The following ADAMTSL3 variants were observed in gnomAD, a reference collection of about 807,000 sequenced individuals.
The protein encoded by ADAMTSL3 is ADAMTS like 3, also known as ADAMTS-like protein 3.
In ADAMTSL3, 128 loss-of-function variants were observed where a neutral mutation model predicts 201.7. The ratio of observed to expected loss-of-function variants is 0.63; its 90% CI spans 0.55 to 0.73. ADAMTSL3 has a LOEUF of 0.73. ADAMTSL3 is among the 30% of genes least tolerant of loss of function. The pLI is 0.00. For synonymous variants in ADAMTSL3, 738 were observed against 748.4 expected, an observed-to-expected ratio of 0.99 and a Z score of 0.23; for missense variants, 1,990 against 2,119.6, an observed-to-expected ratio of 0.94 and a Z score of 1.20.
At chr15:83,655,895 T>G in intron 2 of ADAMTSL3, 65 bp downstream of exon 2, 1 of 1,489,446 alleles carries the variant, frequency 6.7e-7, no homozygotes, top group Non-Finnish European at 9.3e-7. Flanking sequence ...GAGGCATTAT[T>G]GTATACCACC....
chr15:83,867,907 T>C (rs892461861), intron 8 of ADAMTSL3, among the ~76,000 whole-genome samples: 1 of 152,170 alleles, frequency 6.6e-6, no homozygotes, highest in Non-Finnish European at 1.5e-5. Flanking sequence ...AAATAACTAG[T>C]AGTGGATTAA....
chr15:83,794,508 A>G (rs1304986222), intron 4 of ADAMTSL3, among the ~76,000 whole-genome samples: 2 of 152,212 alleles, frequency 1.3e-5, no homozygotes, highest in African/African-American at 4.8e-5. Context: ...AAACACAACA[A>G]TCTGGATGAA....
intron 8 of ADAMTSL3, among the ~76,000 whole-genome samples, chr15:83,859,495 T>C (rs1210253489): frequency 6.6e-6 from 1 of 152,204 alleles, no homozygotes; most frequent in African/African-American, 2.4e-5. Context: ...CAGGGACATA[T>C]GTTAAAATGT....
intron 5 of ADAMTSL3, 59 bp downstream of exon 5, chr15:83,804,754 A>C (rs960744301): frequency 7.6e-7 from 1 of 1,322,778 alleles, no homozygotes; most frequent in African/African-American, 1.5e-5. Context: ...TTAAGTTACA[A>C]TATTCCAATG....
At chr15:83,985,423 C>CAT (rs2067457378) in intron 21 of ADAMTSL3, among the ~76,000 whole-genome samples, 1 of 151,926 alleles carries the variant, frequency 6.6e-6, no homozygotes, top group Non-Finnish European at 1.5e-5. Context: ...AACTTTAAAT[C>CAT]ATAGTGTGGA....
In ADAMTSL3 at chr15:83,945,135, C is replaced by T. The variant is rs749844154; in HGVS notation, c.2490+2053C>T. 2.4e-4 allele frequency among the ~76,000 whole-genome samples: 36 copies of T among 152,230 alleles called. 1 individual carries two copies. In the Middle Eastern group the frequency reaches 0.01, roughly 43 times the overall value. ...CAAGGAAAGAGATGAACCCATCTCT[C>T]CAGGGTCTACAGAGCAGGAGTTGCC... On this transcript the variant is annotated intron_variant, in intron 19 of 29. Transcript: ENST00000286744.
chr15:83,742,067 GA>G (rs1293623065), intron 3 of ADAMTSL3, among the ~76,000 whole-genome samples: 1 of 151,740 alleles, frequency 6.6e-6, no homozygotes, highest in Non-Finnish European at 1.5e-5. Flanking sequence ...GGGAAAGTTC[GA>G]AAAAAATTAC....
chr15:83,869,098 T>C (rs2065033684), intron 8 of ADAMTSL3, among the ~76,000 whole-genome samples: 1 of 152,206 alleles, frequency 6.6e-6, no homozygotes, highest in South Asian at 2.1e-4. Flanking sequence ...TTTAATCAAG[T>C]CATTTCAGGC....
intron 9 of ADAMTSL3, among the ~76,000 whole-genome samples, chr15:83,871,379 T>A (rs1422731862): frequency 6.6e-6 from 1 of 152,118 alleles, no homozygotes; most frequent in Non-Finnish European, 1.5e-5. Flanking sequence ...TTAGATAGAG[T>A]TTGGTGAAAA....
intron 20 of ADAMTSL3, among the ~76,000 whole-genome samples, chr15:83,978,710 G>T (rs1369012909): frequency 6.6e-6 from 1 of 152,202 alleles, no homozygotes; most frequent in Non-Finnish European, 1.5e-5. Context: ...CCGATCTCTG[G>T]CTGGAATCCC....
chr15:84,013,286 T>G (rs1248562722), intron 23 of ADAMTSL3, among the ~76,000 whole-genome samples: 5 of 152,216 alleles, frequency 3.3e-5, no homozygotes, highest in Non-Finnish European at 7.3e-5. Flanking sequence ...GGAATAACTA[T>G]GAGAATTCAA....
At chr15:83,772,249 G>A (rs968521038) in intron 3 of ADAMTSL3, among the ~76,000 whole-genome samples, 1 of 152,138 alleles carries the variant, frequency 6.6e-6, no homozygotes, top group African/African-American at 2.4e-5. Flanking sequence ...GATGGGACTT[G>A]CTGTAAACTT....
intron 2 of ADAMTSL3, among the ~76,000 whole-genome samples, chr15:83,661,366 C>G (rs1272653585): frequency 6.6e-6 from 1 of 151,106 alleles, no homozygotes; most frequent in Admixed American, 6.6e-5. Context: ...TGTAAATTAC[C>G]TTGGGCAGTA....
intron 23 of ADAMTSL3, among the ~76,000 whole-genome samples, chr15:83,992,668 GA>G (rs1324453491): frequency 6.6e-6 from 1 of 152,210 alleles, no homozygotes; most frequent in Non-Finnish European, 1.5e-5. Context: ...GGCTTTCAGG[GA>G]GATGAGCCAT....
chr15:83,804,804 A>T, intron 5 of ADAMTSL3, 109 bp downstream of exon 5: 1 of 758,060 alleles, frequency 1.3e-6, no homozygotes, highest in Non-Finnish European at 2.0e-6. Context: ...CCCTTTGTGG[A>T]AAACTTAAGT....
intron 7 of ADAMTSL3, among the ~76,000 whole-genome samples, chr15:83,847,393 C>T (rs761637937): frequency 6.6e-6 from 1 of 152,144 alleles, no homozygotes; most frequent in Non-Finnish European, 1.5e-5. Context: ...CCAAAATCCC[C>T]CACTGCTCCT....
At chr15:83,942,052 C>T (rs2066571560) in intron 17 of ADAMTSL3, among the ~76,000 whole-genome samples, 1 of 152,004 alleles carries the variant, frequency 6.6e-6, no homozygotes, top group Non-Finnish European at 1.5e-5. Context: ...AAGCAGCTGC[C>T]CTGGTTTTTC....
intron 6 of ADAMTSL3, among the ~76,000 whole-genome samples, chr15:83,835,161 G>C (rs2064240203): frequency 6.7e-6 from 1 of 149,936 alleles, no homozygotes; most frequent in African/African-American, 2.5e-5. Context: ...GTGAACCCAG[G>C]AGGCAGAGCT....
intron 2 of ADAMTSL3, among the ~76,000 whole-genome samples, chr15:83,678,826 ATAT>A (rs1567066942): frequency 3.6e-4 from 42 of 115,528 alleles, no homozygotes; most frequent in African/African-American, 7.6e-4. Context: ...TAAAATATAA[ATAT>A]ATATAAATAT....
Sources: gnomAD v4.1 joint callset for allele counts (sites outside exome capture counted in the v4.1 genomes callset) on GRCh38, gnomAD v4.1.1 for gene constraint, MANE v1.5 for transcripts, NCBI Gene and HGNC (gene_info 2026-07-23, HGNC 2026-07-21) for gene names.